Variants in BCAS3 observed in about 807,000 individuals in gnomAD.
The protein encoded by BCAS3 is BCAS4/BCAS3 fusion.
In BCAS3, 53 loss-of-function variants were observed where a neutral mutation model predicts 116.1. The ratio of observed to expected loss-of-function variants is 0.46; its 90% CI spans 0.37 to 0.57. The LOEUF (loss-of-function observed/expected upper bound fraction) is 0.57, where lower values mean the gene tolerates loss of function less well. BCAS3 is among the 20% of genes least tolerant of loss of function. BCAS3 has a pLI of 0.00. For synonymous variants in BCAS3, 391 were observed against 408.2 expected (o/e 0.96, Z 0.51); for missense variants, 917 against 1,165.4 (o/e 0.79, Z 3.10).
At chr17:60,978,721 G>T (rs1030865095) in intron 14 of BCAS3, among the ~76,000 whole-genome samples, 111 of 151,846 alleles carry the variant, frequency 7.3e-4, no homozygotes, top group African/African-American at 2.5e-3. Context: ...TTCTACATAT[G>T]GCTAGCCAGT....
rs1286605682 is a variant in BCAS3 at position 61,390,345 on chromosome 17, G to T, written c.2594-1632G>T. The T allele has an allele frequency of 2.6e-5, 4 of 152,268 alleles. No homozygotes were observed. The highest frequency in any genetic ancestry group is 2.6e-4 in the Admixed American group (4 of 15,278). The allele number at this position is 152,268 out of a possible 1,614,324, so 9.4% of individuals were successfully genotyped here. On this transcript the variant is annotated intron_variant, in intron 23 of 23. Transcript: ENST00000407086. This position sits in a 1 kb window ranked among gnomAD's most constrained non-coding sequence, Gnocchi z 6.8. ...TACTGAAGGAGGAGCAGGAGAAAAA[G>T]ATCCTATCTGCCTTGTTTTCTATCC...
At chr17:61,193,068 G>A (rs910310268) in intron 22 of BCAS3, among the ~76,000 whole-genome samples, 26 of 151,982 alleles carry the variant, frequency 1.7e-4, no homozygotes, top group African/African-American at 6.3e-4. Flanking sequence ...TCAAGACCAC[G>A]CTGGCCAACG....
chr17:61,271,937 G>A (rs1394737939), intron 22 of BCAS3, among the ~76,000 whole-genome samples: 1 of 148,484 alleles, frequency 6.7e-6, no homozygotes. Flanking sequence ...AGCTTCTCAA[G>A]TTGCTGGGAC....
rs377011472 is a variant in BCAS3, at chr17:61,223,264, T to C, written c.2425+138700T>C. Among the ~76,000 whole-genome samples, 30 of 150,626 alleles carry C rather than the reference T, an allele frequency of 2.0e-4. 1 individual carries two copies. Among genetic ancestry groups the C allele is most frequent in the African/African-American group, 7.2e-4 (29 of 40,546 alleles). On this transcript the variant is annotated intron_variant, in intron 22 of 23. Transcript: ENST00000407086. The stretch of plus-strand genomic sequence containing the variant: ...CCTCCACCTCCTGGGTTCAAGCAGT[T>C]CTCCTGCCTCAGCCCCCCAATAGCT...
At chr17:61,301,388 C>G (rs981306789) in intron 22 of BCAS3, among the ~76,000 whole-genome samples, 1 of 152,182 alleles carries the variant, frequency 6.6e-6, no homozygotes, top group Non-Finnish European at 1.5e-5. Context: ...AATCCCAGCA[C>G]TTTGGGAGGC....
At chr17:60,946,896 G>A (rs543982384) in intron 13 of BCAS3, among the ~76,000 whole-genome samples, 49 of 152,218 alleles carry the variant, frequency 3.2e-4, no homozygotes, top group Admixed American at 2.6e-3. Flanking sequence ...GGGCAACCGA[G>A]TGAGGTTCTG....
intron 12 of BCAS3, among the ~76,000 whole-genome samples, chr17:60,911,123 C>CTATTTTT (rs2058478481): frequency 1.1e-5 from 1 of 88,256 alleles, no homozygotes; most frequent in Non-Finnish European, 2.0e-5. Flanking sequence ...TTTTTTCTTT[C>CTATTTTT]TTTTTTTTTT....
At position 61,013,643 on chromosome 17, in the gene BCAS3, T is replaced by G. The variant is rs1389219481; in HGVS notation, c.1487-2108T>G. Among the ~76,000 whole-genome samples the G allele has an allele frequency of 6.6e-6, 1 of 151,822 alleles. No homozygotes were observed. The highest frequency in any genetic ancestry group is 2.4e-5 in the African/African-American group (1 of 41,290). On this transcript the variant is annotated intron_variant, in intron 15 of 23. Transcript: ENST00000407086. This position sits in a 1 kb window ranked among gnomAD's most constrained non-coding sequence, Gnocchi z 4.4. Reference sequence around the variant, plus strand: ...TATTCCTGCAACAGGTGTAGATGGCTTCTGTTAACTTTAATGTGTATTCTG... The same window carrying G: ...TATTCCTGCAACAGGTGTAGATGGCGTCTGTTAACTTTAATGTGTATTCTG...
intron 22 of BCAS3, among the ~76,000 whole-genome samples, chr17:61,096,489 T>C (rs2143631357): frequency 6.6e-6 from 1 of 152,250 alleles, no homozygotes; most frequent in Non-Finnish European, 1.5e-5. Flanking sequence ...CCCAGGAGGT[T>C]GAGGCTACAG....
intron 14 of BCAS3, among the ~76,000 whole-genome samples, chr17:60,985,636 AC>A (rs1203618858): frequency 1.3e-5 from 2 of 151,718 alleles, no homozygotes; most frequent in Non-Finnish European, 2.9e-5. Context: ...TATTTTTCGT[AC>A]CCATTAGCCA....
At chr17:60,838,062 C>T (rs888834159) in intron 7 of BCAS3, among the ~76,000 whole-genome samples, 4 of 151,954 alleles carry the variant, frequency 2.6e-5, no homozygotes, top group Non-Finnish European at 4.4e-5. Flanking sequence ...GATACAAGAA[C>T]TCAGGGAAGA....
At position 60,956,620 on chromosome 17, in the gene BCAS3, A is replaced by T. The variant is rs555147447; in HGVS notation, c.1221+9268A>T. 3.3e-5 allele frequency among the ~76,000 whole-genome samples: 5 copies of T among 152,338 alleles called. No homozygotes were observed. Among genetic ancestry groups the T allele is most frequent in the African/African-American group, 1.2e-4 (5 of 41,580 alleles). ...CTTCTTGGCATCTCTCATGCATAGA[A>T]TGGAGCCTTGCATATTGTAGTGCAA... On this transcript the variant is annotated intron_variant, in intron 14 of 23. Coordinates refer to ENST00000407086, the MANE Select transcript of BCAS3 (RefSeq NM_017679.5). The surrounding 1 kb of genome is among the most constrained non-coding windows in gnomAD (Gnocchi z 4.2).
rs2058586699 is a variant in BCAS3, at chr17:61,363,816, G to T, written c.2426-4511G>T. 6.6e-6 allele frequency among the ~76,000 whole-genome samples: 1 copy of T among 152,144 alleles called. No homozygotes were observed. The highest frequency in any genetic ancestry group is 1.5e-5 in the Non-Finnish European group (1 of 68,022). Reference sequence around the variant, plus strand: ...TTTCCCCTGTAATGGGACTCAAAGGGCCAGCTCATCTGATGGAGTGTCCCT... The same window carrying T: ...TTTCCCCTGTAATGGGACTCAAAGGTCCAGCTCATCTGATGGAGTGTCCCT... On this transcript the variant is annotated intron_variant, in intron 22 of 23. Transcript: ENST00000407086. This position sits in a 1 kb window ranked among gnomAD's most constrained non-coding sequence, Gnocchi z 4.9.
intron 14 of BCAS3, among the ~76,000 whole-genome samples, chr17:60,982,263 T>C (rs899203743): frequency 1.3e-5 from 2 of 152,164 alleles, no homozygotes; most frequent in Admixed American, 6.5e-5. Flanking sequence ...TGCTATTGAA[T>C]GTCATTTTTC....
At chr17:60,852,360 CT>C (rs1469839105) in intron 7 of BCAS3, among the ~76,000 whole-genome samples, 2 of 152,074 alleles carry the variant, frequency 1.3e-5, no homozygotes, top group African/African-American at 4.8e-5. Context: ...AACTTTGTTA[CT>C]GTGCTGTGAA....
chr17:61,195,543 CT>C (rs112302026), intron 22 of BCAS3, among the ~76,000 whole-genome samples: 85 of 81,378 alleles, frequency 1.0e-3, no homozygotes, highest in Admixed American at 1.9e-3. Flanking sequence ...CTTTTTCTTT[CT>C]TTTTTTTTTT....
intron 3 of BCAS3, among the ~76,000 whole-genome samples, chr17:60,684,625 T>A (rs1392945325): frequency 6.6e-6 from 1 of 152,090 alleles, no homozygotes; most frequent in Non-Finnish European, 1.5e-5. Context: ...AAGTAATAAT[T>A]TCCTCTCTCA....
At chr17:61,310,624 C>T (rs956411032) in intron 22 of BCAS3, among the ~76,000 whole-genome samples, 2 of 151,866 alleles carry the variant, frequency 1.3e-5, no homozygotes, top group South Asian at 2.1e-4. Flanking sequence ...TGCGAATCAT[C>T]GCCCAGAAAC....
chr17:61,183,866 C>G (rs2079616198), intron 22 of BCAS3, among the ~76,000 whole-genome samples: 1 of 152,158 alleles, frequency 6.6e-6, no homozygotes, highest in African/African-American at 2.4e-5. Flanking sequence ...AATGTTATGC[C>G]CTTCTCAGCT....
Sources: gnomAD v4.1 joint callset for allele counts (sites outside exome capture counted in the v4.1 genomes callset) on GRCh38, gnomAD v4.1.1 for gene constraint, Gnocchi (gnomAD v3.1) non-coding constraint, MANE v1.5 for transcripts, NCBI Gene and HGNC (gene_info 2026-07-23, HGNC 2026-07-21) for gene names.